The following SH3PXD2A variants were observed in gnomAD, a reference collection of about 807,000 sequenced individuals.
SH3PXD2A encodes the protein SH3 and PX domain-containing protein 2A.
In SH3PXD2A, 32 loss-of-function variants were observed where a neutral mutation model predicts 115.2. The observed-to-expected ratio is 0.28, with a 90% confidence interval of 0.21 to 0.37. The LOEUF (loss-of-function observed/expected upper bound fraction) is 0.37. SH3PXD2A is among the 10% of genes least tolerant of loss of function. The probability of loss-of-function intolerance (pLI) is 1.00; values close to 1 mark genes in which losing one functional copy is unlikely to be tolerated. For synonymous variants in SH3PXD2A, 610 were observed against 629.1 expected, an observed-to-expected ratio of 0.97 and a Z score of 0.45; for missense variants, 1,328 against 1,498.7, an observed-to-expected ratio of 0.89 and a Z score of 1.88.
intron 8 of SH3PXD2A, among the ~76,000 whole-genome samples, chr10:103,657,212 A>G (rs1380542192): frequency 6.6e-6 from 1 of 152,126 alleles, no homozygotes; most frequent in Non-Finnish European, 1.5e-5. Flanking sequence ...TCAGAGAAGA[A>G]AGGTGAGGCA....
intron 8 of SH3PXD2A, among the ~76,000 whole-genome samples, chr10:103,656,374 A>G (rs529461477): frequency 1.3e-5 from 2 of 152,398 alleles, no homozygotes; most frequent in South Asian, 4.1e-4. Flanking sequence ...TTCTGAACTC[A>G]GAGAACCAGA....
intron 2 of SH3PXD2A, among the ~76,000 whole-genome samples, chr10:103,791,751 C>A (rs1057257884): frequency 9.9e-5 from 15 of 151,996 alleles, no homozygotes; most frequent in Non-Finnish European, 1.2e-4. Flanking sequence ...TCTTCCTAAA[C>A]CCACAAGGTT....
chr10:103,641,450 G>A (rs2036954013), intron 8 of SH3PXD2A, among the ~76,000 whole-genome samples: 2 of 152,288 alleles, frequency 1.3e-5, no homozygotes, highest in South Asian at 4.1e-4. Flanking sequence ...CCCAAGGAGT[G>A]TGTGGCTAAG....
At chr10:103,679,687 G>A (rs1304286154) in intron 6 of SH3PXD2A, among the ~76,000 whole-genome samples, 1 of 152,244 alleles carries the variant, frequency 6.6e-6, no homozygotes, top group Non-Finnish European at 1.5e-5. Context: ...CTGAAATGAG[G>A]GATGTTAAAA....
At chr10:103,684,766 C>T (rs2037655491) in intron 6 of SH3PXD2A, among the ~76,000 whole-genome samples, 1 of 152,158 alleles carries the variant, frequency 6.6e-6, no homozygotes, top group Non-Finnish European at 1.5e-5. Context: ...CTGCGGTTCA[C>T]ACCTGTAATC....
intron 6 of SH3PXD2A, among the ~76,000 whole-genome samples, chr10:103,689,463 G>A (rs747549030): frequency 2.0e-5 from 3 of 152,080 alleles, no homozygotes; most frequent in Admixed American, 6.6e-5. Flanking sequence ...TCAGGAGTTC[G>A]AGACCAGCCT....
In SH3PXD2A at chr10:103,834,225, T is replaced by C. The variant is rs572869351; in HGVS notation, c.72+20970A>G. Among the ~76,000 whole-genome samples, 3 of 152,316 alleles carry C rather than the reference T, an allele frequency of 2.0e-5. No homozygotes were observed. In the East Asian group the frequency reaches 5.8e-4, roughly 29 times the overall value. On this transcript the variant is annotated intron_variant, in intron 1 of 14. Transcript: ENST00000369774. ...CTGCAAGGGCCATGGGGAGTGGCTG[T>C]GTCCAGGACCCCTCGGCCACCACAT...
intron 4 of SH3PXD2A, among the ~76,000 whole-genome samples, chr10:103,733,165 T>A (rs1358179122): frequency 6.6e-6 from 1 of 152,118 alleles, no homozygotes; most frequent in African/African-American, 2.4e-5. Context: ...AGTTTCCATC[T>A]GTGCTAATCA....
chr10:103,713,250 G>T (rs1018329668), intron 5 of SH3PXD2A, among the ~76,000 whole-genome samples: 2 of 152,126 alleles, frequency 1.3e-5, no homozygotes, highest in Admixed American at 6.5e-5. Context: ...TTTCATCTCG[G>T]ACTATGTCTA....
At chr10:103,699,078 G>A (rs1312013784) in intron 5 of SH3PXD2A, among the ~76,000 whole-genome samples, 1 of 152,118 alleles carries the variant, frequency 6.6e-6, no homozygotes, top group East Asian at 1.9e-4. Flanking sequence ...CTGGCTGGAG[G>A]AAAATTTTGT....
intron 1 of SH3PXD2A, among the ~76,000 whole-genome samples, chr10:103,837,243 G>A (rs996791866): frequency 2.6e-5 from 4 of 152,178 alleles, no homozygotes; most frequent in Admixed American, 1.3e-4. Flanking sequence ...CCTCTCTAAC[G>A]AGAAACCCAT....
intron 5 of SH3PXD2A, among the ~76,000 whole-genome samples, chr10:103,695,681 A>G (rs1408197123): frequency 3.3e-5 from 5 of 152,150 alleles, no homozygotes; most frequent in Admixed American, 6.5e-5. Flanking sequence ...CATGGTCTGC[A>G]TCTCCAACAA....
chr10:103,713,922 G>A (rs1361226177), intron 5 of SH3PXD2A, among the ~76,000 whole-genome samples: 1 of 152,178 alleles, frequency 6.6e-6, no homozygotes, highest in African/African-American at 2.4e-5. Flanking sequence ...CCCCGAGAGT[G>A]GGGACTGAGC....
chr10:103,769,169 TGTGTGTGTGTGTGCGC>T (rs1257642842), intron 2 of SH3PXD2A, among the ~76,000 whole-genome samples: 1 of 112,384 alleles, frequency 8.9e-6, no homozygotes, highest in Admixed American at 8.0e-5. Context: ...TGTGTGTGTG[TGTGTGTGTGTGTGCGC>T]GCGCGCGCGC....
Position 103,668,772 on chromosome 10 carries a change from G to A in SH3PXD2A, c.428-120C>T, listed in dbSNP as rs181833384. 522 of 851,754 alleles carry A rather than the reference G, an allele frequency of 6.1e-4. 5 individuals carry two copies. Among genetic ancestry groups the A allele is most frequent in the Middle Eastern group, 3.3e-3 (15 of 4,554 alleles). 52.8% of individuals were successfully genotyped at this position (851,754 alleles called of 1,614,324 possible). A position where few individuals can be genotyped will look rare whatever the true frequency, so the allele number is the denominator to read the frequency against. ...GCGCCGCGCTCGGCCAGCCGCGGGC[G>A]GAAGGCGGAGGAGGGAGGAGAGTGA... On this transcript the variant is annotated intron_variant, in intron 6 of 14. Transcript: ENST00000369774.
chr10:103,682,309 GCACT>G (rs1592299008), intron 6 of SH3PXD2A, among the ~76,000 whole-genome samples: 1 of 152,372 alleles, frequency 6.6e-6, no homozygotes, highest in East Asian at 1.9e-4. Context: ...CACGTGAGCA[GCACT>G]CACTTTCTCC....
chr10:103,745,376 C>G (rs146098516), intron 3 of SH3PXD2A, among the ~76,000 whole-genome samples: 7 of 152,330 alleles, frequency 4.6e-5, no homozygotes, highest in African/African-American at 1.7e-4. Context: ...CCAGGAGAGT[C>G]CTGACTGGTA....
At chr10:103,638,681 G>C (rs3781349) in intron 8 of SH3PXD2A, among the ~76,000 whole-genome samples, 40,596 of 152,232 alleles carry the variant, frequency 0.27, 5,766 homozygotes, top group East Asian at 0.38. Flanking sequence ...GTGTTGTTAC[G>C]AGGATTAGAG....
At chr10:103,803,913 C>T (rs1178651414) in intron 1 of SH3PXD2A, among the ~76,000 whole-genome samples, 1 of 152,128 alleles carries the variant, frequency 6.6e-6, no homozygotes, top group Non-Finnish European at 1.5e-5. Context: ...TACATTGGTT[C>T]CATCTGGAAG....
Sources: gnomAD v4.1 joint callset for allele counts (sites outside exome capture counted in the v4.1 genomes callset) on GRCh38, gnomAD v4.1.1 for gene constraint, MANE v1.5 for transcripts, NCBI Gene and HGNC (gene_info 2026-07-23, HGNC 2026-07-21) for gene names.